Variants in FAM227B observed in about 807,000 individuals in gnomAD.
The protein encoded by FAM227B is protein FAM227B.
In FAM227B, 88 loss-of-function variants were observed where a neutral mutation model predicts 73.8. The ratio of observed to expected loss-of-function variants is 1.19; its 90% CI spans 1.00 to 1.42. FAM227B has a LOEUF of 1.42. FAM227B is among the 40% of genes most tolerant of loss of function. The probability of loss-of-function intolerance (pLI) is 0.00; values close to 1 mark genes in which losing one functional copy is unlikely to be tolerated. For missense variants in FAM227B, 632 were observed against 590.9 expected (o/e 1.07, Z -0.72); for synonymous variants, 210 against 190.5 (o/e 1.10, Z -0.84).
intron 13 of FAM227B, among the ~76,000 whole-genome samples, chr15:49,349,551 T>A (rs1157300392): frequency 6.6e-6 from 1 of 152,204 alleles, no homozygotes; most frequent in Non-Finnish European, 1.5e-5. Flanking sequence ...TTTAAAAATC[T>A]GAAATTGGTT....
At chr15:49,513,070 T>C (rs1463354184) in intron 10 of FAM227B, among the ~76,000 whole-genome samples, 1 of 152,194 alleles carries the variant, frequency 6.6e-6, no homozygotes, top group Non-Finnish European at 1.5e-5. Context: ...AACATACATG[T>C]GCATGTATCT....
chr15:49,530,076 T>C (rs1331716056), intron 10 of FAM227B, among the ~76,000 whole-genome samples: 4 of 151,832 alleles, frequency 2.6e-5, no homozygotes, highest in South Asian at 4.1e-4. Flanking sequence ...CTATTGACTG[T>C]CTAGAGTTTT....
intron 11 of FAM227B, among the ~76,000 whole-genome samples, chr15:49,397,403 A>G (rs558790032): frequency 8.8e-4 from 134 of 152,268 alleles, no homozygotes; most frequent in African/African-American, 3.2e-3. Flanking sequence ...GGGAGAATGG[A>G]ACCAAGTTGG....
intron 11 of FAM227B, among the ~76,000 whole-genome samples, chr15:49,428,990 T>C (rs1302104578): frequency 6.6e-6 from 1 of 151,992 alleles, no homozygotes; most frequent in East Asian, 1.9e-4. Context: ...CAACAATTCT[T>C]TGGATAGGCT....
At chr15:49,329,681 A>G (rs2038224617) in intron 15 of FAM227B, 1 of 980,796 alleles carries the variant, frequency 1.0e-6, no homozygotes. Flanking sequence ...TTTGAGTTCT[A>G]TAAATCCAAA....
At chr15:49,576,708 T>G (rs773417434) in intron 7 of FAM227B, 33 bp downstream of exon 7, 1 of 1,203,876 alleles carries the variant, frequency 8.3e-7, no homozygotes, top group Non-Finnish European at 1.2e-6. Context: ...ACTGTCAAAA[T>G]GTATCCTACA....
intron 15 of FAM227B, chr15:49,329,484 T>C (rs1317732139): frequency 1.0e-6 from 1 of 985,162 alleles, no homozygotes; most frequent in African/African-American, 1.7e-5. Context: ...AGATTGGGCA[T>C]CACCATCTAG....
At chr15:49,411,673 T>C (rs75401662) in intron 11 of FAM227B, among the ~76,000 whole-genome samples, 5,638 of 152,182 alleles carry the variant, frequency 0.037, 323 homozygotes, top group African/African-American at 0.13. Flanking sequence ...TTTAATTTTA[T>C]TTATTCAAGG....
At chr15:49,408,708 A>G (rs540810909) in intron 11 of FAM227B, among the ~76,000 whole-genome samples, 1 of 152,292 alleles carries the variant, frequency 6.6e-6, no homozygotes, top group South Asian at 2.1e-4. Context: ...TTGTTCTGCT[A>G]TCATAGTCTT....
intron 10 of FAM227B, among the ~76,000 whole-genome samples, chr15:49,539,907 A>C (rs1404012965): frequency 6.6e-6 from 1 of 152,200 alleles, no homozygotes; most frequent in Non-Finnish European, 1.5e-5. Flanking sequence ...GGAATATGAA[A>C]CATGGACATG....
chr15:49,424,567 G>A, intron 11 of FAM227B: 2 of 1,583,302 alleles, frequency 1.3e-6, no homozygotes, highest in Non-Finnish European at 1.7e-6. Context: ...GGACCCAAGA[G>A]ATGAAGAATA....
chr15:49,572,062 C>T (rs563740585), intron 8 of FAM227B, among the ~76,000 whole-genome samples: 1 of 152,032 alleles, frequency 6.6e-6, no homozygotes, highest in East Asian at 1.9e-4. Flanking sequence ...AGATCTCTCA[C>T]CTCCTTGGTT....
At chr15:49,527,813 C>A (rs1281042624) in intron 10 of FAM227B, among the ~76,000 whole-genome samples, 1 of 151,660 alleles carries the variant, frequency 6.6e-6, no homozygotes, top group East Asian at 1.9e-4. Context: ...TGAAAGATCT[C>A]TACAAAGAGA....
intron 11 of FAM227B, among the ~76,000 whole-genome samples, chr15:49,506,473 A>G (rs1483955709): frequency 1.3e-5 from 2 of 151,856 alleles, no homozygotes; most frequent in East Asian, 1.9e-4. Context: ...TCTAATTGAG[A>G]TTTTTTTTAA....
intron 11 of FAM227B, among the ~76,000 whole-genome samples, chr15:49,433,661 G>A (rs1408619390): frequency 6.6e-6 from 1 of 151,486 alleles, no homozygotes; most frequent in Non-Finnish European, 1.5e-5. Context: ...TGGAAAATTT[G>A]GTTTATTGTA....
In FAM227B at chr15:49,610,212, T is replaced by C. The variant is rs1040908544; in HGVS notation, c.105+1003A>G. Among the ~76,000 whole-genome samples the C allele has an allele frequency of 9.2e-5, 14 of 152,090 alleles. 1 individual carries two copies. Among genetic ancestry groups the C allele is most frequent in the Admixed American group, 7.2e-4 (11 of 15,270 alleles). On this transcript the variant is annotated intron_variant, in intron 3 of 15. Coordinates refer to ENST00000299338, the MANE Select transcript of FAM227B (RefSeq NM_152647.3). ...CCATTATTTGCTGAATTTAGATTAA[T>C]TTTAACTTAAAACTTAAAACATTAA...
intron 11 of FAM227B, among the ~76,000 whole-genome samples, chr15:49,454,750 T>C (rs922688300): frequency 2.6e-5 from 4 of 152,072 alleles, no homozygotes; most frequent in Admixed American, 2.0e-4. Flanking sequence ...GCTGGGATTA[T>C]AGGCGCGTGC....
In FAM227B at chr15:49,464,902, C is replaced by T. The variant is rs1597371360; in HGVS notation, c.1012+43309G>A. 1.3e-5 allele frequency among the ~76,000 whole-genome samples: 2 copies of T among 152,226 alleles called. 1 individual carries two copies. Among genetic ancestry groups the T allele is most frequent in the South Asian group, 4.1e-4 (2 of 4,820 alleles). ...GAATAAATGAATAACGTAAGACATA[C>T]ATGACATACCTAAAAAACATTTTGG... On this transcript the variant is annotated intron_variant, in intron 11 of 15. Coordinates refer to ENST00000299338, the MANE Select transcript of FAM227B (RefSeq NM_152647.3).
At chr15:49,606,444 T>A (rs968817519) in intron 3 of FAM227B, among the ~76,000 whole-genome samples, 1 of 152,212 alleles carries the variant, frequency 6.6e-6, no homozygotes, top group African/African-American at 2.4e-5. Context: ...TCAATCCTTT[T>A]ATGTAACCAA....
Sources: gnomAD v4.1 joint callset for allele counts (sites outside exome capture counted in the v4.1 genomes callset) on GRCh38, gnomAD v4.1.1 for gene constraint, MANE v1.5 for transcripts, NCBI Gene and HGNC (gene_info 2026-07-23, HGNC 2026-07-21) for gene names.